NPLOC4: variants seen among roughly 807,000 people sequenced by gnomAD.
The protein encoded by NPLOC4 is NPL4 homolog, ubiquitin recognition factor, also known as nuclear protein localization protein 4 homolog.
In NPLOC4, 18 loss-of-function variants were observed where a neutral mutation model predicts 80.6. The ratio of observed to expected loss-of-function variants is 0.22; its 90% confidence interval spans 0.15 to 0.33. The LOEUF (loss-of-function observed/expected upper bound fraction) is 0.33. Ranked by LOEUF, NPLOC4 falls within the 10% of genes least tolerant of loss-of-function variation. The probability of loss-of-function intolerance (pLI) is 1.00; values close to 1 mark genes in which losing one functional copy is unlikely to be tolerated. For missense variants in NPLOC4, 540 were observed against 786.1 expected (o/e 0.69, Z 3.74); for synonymous variants, 313 against 301.5 (o/e 1.04, Z -0.39).
intron 3 of NPLOC4, among the ~76,000 whole-genome samples, chr17:81,615,185 C>A (rs1396823756): frequency 1.3e-5 from 2 of 148,434 alleles, no homozygotes; most frequent in African/African-American, 2.5e-5. Flanking sequence ...CTGGAACCTG[C>A]ATCTCACGGG....
rs188836416 is a variant in NPLOC4, at chr17:81,630,374, A to G, written c.16-569T>C. On this transcript the variant is annotated intron_variant, in intron 1 of 16. Coordinates refer to ENST00000331134, the MANE Select transcript of NPLOC4 (RefSeq NM_017921.4). ...AAAATCACAGCTTACTGCAGCCTTG[A>G]CATCCAAGGTTCAAGTGATCCTCTG... is the stretch of plus-strand genomic sequence containing the variant. Among the ~76,000 whole-genome samples, 16 of 152,108 alleles carry G rather than the reference A, an allele frequency of 1.1e-4. No homozygotes were observed. In the East Asian group the frequency reaches 2.5e-3, roughly 24 times the overall value.
intron 4 of NPLOC4, among the ~76,000 whole-genome samples, chr17:81,611,915 G>A (rs1437679728): frequency 6.1e-5 from 9 of 148,224 alleles, no homozygotes; most frequent in South Asian, 2.1e-4. Flanking sequence ...AGCGGACGTC[G>A]CGCCACTGCA....
intron 2 of NPLOC4, among the ~76,000 whole-genome samples, chr17:81,628,813 G>A (rs1813639482): frequency 6.6e-6 from 1 of 151,940 alleles, no homozygotes; most frequent in Admixed American, 6.6e-5. Flanking sequence ...TGGACACAAT[G>A]CAGGTCAGGA....
chr17:81,569,951 C>T (rs2034117355), intron 13 of NPLOC4, among the ~76,000 whole-genome samples: 1 of 152,370 alleles, frequency 6.6e-6, no homozygotes, highest in Admixed American at 6.5e-5. Context: ...CTCTGCAACA[C>T]AACAGCAGCA....
intron 6 of NPLOC4, among the ~76,000 whole-genome samples, chr17:81,607,682 G>C (rs753250769): frequency 2.0e-5 from 3 of 152,132 alleles, no homozygotes; most frequent in Non-Finnish European, 2.9e-5. Context: ...CCTTGACCTA[G>C]ACTGAGAAAG....
At chr17:81,629,912 A>G (rs1397620087) in intron 1 of NPLOC4, 107 bp from the exon 2 acceptor site, 1 of 788,572 alleles carries the variant, frequency 1.3e-6, no homozygotes, top group East Asian at 2.5e-5. Context: ...TGAAAATTAA[A>G]GCCAAACCTC....
intron 3 of NPLOC4, among the ~76,000 whole-genome samples, chr17:81,617,390 G>C (rs925936051): frequency 3.3e-5 from 5 of 152,124 alleles, no homozygotes; most frequent in Admixed American, 3.3e-4. Context: ...AAAAAAAGAG[G>C]GTGCCAGGTG....
chr17:81,565,530 C>T lies in NPLOC4; in HGVS notation c.1644G>A (p.Gln548=). 1.3e-6 allele frequency: 2 copies of T among 1,553,332 alleles called. No homozygotes were observed. Among genetic ancestry groups the T allele is most frequent in the East Asian group, 2.4e-5 (1 of 41,372 alleles). The change falls in exon 16 of 17, where the codon CAG becomes CAA. Residue 548 remains glutamine (Q), a synonymous_variant. Transcript: ENST00000331134. ...ELAQTWKRSE[Q]WATIEQLCST... ...TGCACAGCTGCTCGATGGTGGCCCA[C>T]TGCTCAGACCTCTTCCATGTCTGGG...
chr17:81,598,590 A>C (rs1479344700), intron 9 of NPLOC4, among the ~76,000 whole-genome samples: 1 of 152,184 alleles, frequency 6.6e-6, no homozygotes, highest in Non-Finnish European at 1.5e-5. Flanking sequence ...GAAGCATCTG[A>C]GGGTATGAGG....
At chr17:81,608,872 CCAGGCG>C in intron 5 of NPLOC4, 50 bp from the exon 6 acceptor site, 1 of 1,439,774 alleles carries the variant, frequency 6.9e-7, no homozygotes, top group Non-Finnish European at 9.6e-7. Context: ...GCCGGTCACT[CCAGGCG>C]CTGAGCCTCT....
chr17:81,621,901 G>A (rs1482851396), intron 3 of NPLOC4, among the ~76,000 whole-genome samples: 4 of 152,184 alleles, frequency 2.6e-5, no homozygotes, highest in Non-Finnish European at 4.4e-5. Context: ...ACTCCACGCC[G>A]TACATGGACA....
At chr17:81,606,576 A>G in intron 7 of NPLOC4, 115 bp downstream of exon 7, 1 of 1,073,070 alleles carries the variant, frequency 9.3e-7, no homozygotes, top group Non-Finnish European at 1.3e-6. Context: ...TCCATCAAAA[A>G]GTACTGAAAA....
At chr17:81,610,691 G>A (rs866434071) in intron 4 of NPLOC4, among the ~76,000 whole-genome samples, 22,571 of 72,022 alleles carry the variant, frequency 0.31, 4,644 homozygotes, top group Middle Eastern at 0.46. Context: ...GGTGGCTCAC[G>A]CCTGTAATCC....
chr17:81,608,392 T>C (rs1286775993), intron 6 of NPLOC4, among the ~76,000 whole-genome samples: 3 of 152,128 alleles, frequency 2.0e-5, no homozygotes, highest in Non-Finnish European at 4.4e-5. Flanking sequence ...GCCTGCACAG[T>C]CGCTCTGCCT....
At position 81,628,731 on chromosome 17, in the gene NPLOC4, T is replaced by C. The variant is rs1348762941; in HGVS notation, c.96+994A>G. 2.6e-5 allele frequency among the ~76,000 whole-genome samples: 4 copies of C among 151,938 alleles called. No homozygotes were observed. In the South Asian group the frequency reaches 8.3e-4, roughly 32 times the overall value. On this transcript the variant is annotated intron_variant, in intron 2 of 16. Coordinates refer to ENST00000331134, the MANE Select transcript of NPLOC4 (RefSeq NM_017921.4). ...CTGTGAAGATAAGCTAAGAAGTACA[T>C]AATATGCAACTATCACAGTAAATGA...
At chr17:81,636,212 C>T (rs981399774) in intron 1 of NPLOC4, among the ~76,000 whole-genome samples, 10 of 152,208 alleles carry the variant, frequency 6.6e-5, no homozygotes, top group African/African-American at 2.4e-4. Flanking sequence ...CCCAGGTGAT[C>T]CACCCGCCTC....
In NPLOC4 at chr17:81,636,830, G is replaced by GCGGGGCCGAGTCGCGGCGCCGT. The variant is rs2036092466; in HGVS notation, c.15+85_15+86insACGGCGCCGCGACTCGGCCCCG. On this transcript the variant is annotated intron_variant, in intron 1 of 16. Transcript: ENST00000331134. ...AGAAAGGGGCCGAGTCGCGGCGCCG[G>GCGGGGCCGAGTCGCGGCGCCGT]CAGGCCCGCCTCCCCCACAGGCCGA... 1.3e-5 allele frequency: 17 copies of GCGGGGCCGAGTCGCGGCGCCGT among 1,283,126 alleles called. No individual in the cohort carries two copies. In the South Asian group the frequency reaches 3.5e-4, roughly 26 times the overall value. The allele number at this position is 1,283,126 out of a possible 1,614,324, so 79.5% of individuals were successfully genotyped here. A position where few individuals can be genotyped will look rare whatever the true frequency, so the allele number is the denominator to read the frequency against.
chr17:81,579,058 C>A (rs2034371376), intron 12 of NPLOC4, among the ~76,000 whole-genome samples: 1 of 152,182 alleles, frequency 6.6e-6, no homozygotes, highest in Non-Finnish European at 1.5e-5. Flanking sequence ...GTACCTGGGG[C>A]CACAGGTGCA....
chr17:81,582,495 G>A (rs545718999), intron 12 of NPLOC4, among the ~76,000 whole-genome samples: 1 of 152,306 alleles, frequency 6.6e-6, no homozygotes, highest in South Asian at 2.1e-4. Context: ...GTGAACTCCT[G>A]GGCTAAAGAG....
Sources: gnomAD v4.1 joint callset for allele counts (sites outside exome capture counted in the v4.1 genomes callset) on GRCh38, gnomAD v4.1.1 for gene constraint, MANE v1.5 for transcripts, NCBI Gene and HGNC (gene_info 2026-07-23, HGNC 2026-07-21) for gene names.